The following SIPA1L2 variants were observed in gnomAD, a reference collection of about 807,000 sequenced individuals.
The protein encoded by SIPA1L2 is signal induced proliferation associated 1 like 2, also known as signal-induced proliferation-associated 1-like protein 2.
SIPA1L2 carries 56 observed loss-of-function variants against 163.9 expected under a neutral mutation model. That is an observed-to-expected ratio of 0.34 (90% CI 0.28 to 0.43). The LOEUF is 0.43. SIPA1L2 is among the 20% of genes least tolerant of loss of function. The pLI is 1.00. For synonymous variants in SIPA1L2, 877 were observed against 865.7 expected, an observed-to-expected ratio of 1.01 and a Z score of -0.23; for missense variants, 1,974 against 2,193.5, an observed-to-expected ratio of 0.90 and a Z score of 2.00.
chr1:232,468,161 A>G (rs1357325288), intron 8 of SIPA1L2, among the ~76,000 whole-genome samples: 1 of 152,214 alleles, frequency 6.6e-6, no homozygotes. Flanking sequence ...TCAAGTTCAG[A>G]AGAAATATTC....
chr1:232,439,600 T>C, intron 14 of SIPA1L2, 104 bp from the exon 15 acceptor site: 1 of 1,336,242 alleles, frequency 7.5e-7, no homozygotes, highest in Admixed American at 2.2e-5. Context: ...ACCCAAGCCC[T>C]TTCTACTCAC....
At chr1:232,563,150 T>C (rs1169158394) in intron 2 of SIPA1L2, among the ~76,000 whole-genome samples, 1 of 152,170 alleles carries the variant, frequency 6.6e-6, no homozygotes, top group Non-Finnish European at 1.5e-5. Flanking sequence ...ACCTATTGTG[T>C]GGTGTAGTGC....
Position 232,515,227 on chromosome 1 carries a change from A to C in SIPA1L2, c.113T>G (p.Phe38Cys). ...TCCCATGTTGCCATTAATGGCTTTA[A>C]ATTTCCGAGCAAAATAATCATCTGA... The part of the protein sequence containing the change: ...MQSDDYFARK[F>C]KAINGNMGPT... Residue 38 changes from phenylalanine (F) to cysteine (C), a missense_variant, in exon 3 of 23, where the codon TTT (phenylalanine) becomes TGT (cysteine). Phe to Cys is a radical substitution (Grantham distance 205). Transcript: ENST00000674635. 6.2e-7 allele frequency: 1 copy of C among 1,614,094 alleles called. No individual in the cohort carries two copies. Among genetic ancestry groups the C allele is most frequent in the African/African-American group, 1.3e-5 (1 of 75,028 alleles).
In SIPA1L2 at chr1:232,572,688, TAC is replaced by T. The variant is rs1232046427; in HGVS notation, c.-270+1484_-270+1485del. Among the ~76,000 whole-genome samples, 47 of 52,824 alleles carry T rather than the reference TAC, an allele frequency of 8.9e-4. 1 individual carries two copies. The highest frequency in any genetic ancestry group is 0.015 in the Middle Eastern group (1 of 68). 34.7% of individuals were successfully genotyped at this position (52,824 alleles called of 152,430 possible). ...ATATATATATATATACACACACATA[TAC>T]ATACATATATATATATATATATATA... On this transcript the variant is annotated intron_variant, in intron 2 of 22. Coordinates refer to ENST00000674635, the MANE Select transcript of SIPA1L2 (RefSeq NM_020808.5).
At chr1:232,619,962 G>A (rs1379813660) in intron 1 of SIPA1L2, among the ~76,000 whole-genome samples, 1 of 152,096 alleles carries the variant, frequency 6.6e-6, no homozygotes, top group Non-Finnish European at 1.5e-5. Context: ...TCAGCTCACT[G>A]CAACCTCCGC....
intron 19 of SIPA1L2, among the ~76,000 whole-genome samples, chr1:232,411,588 T>C (rs1660958929): frequency 6.6e-6 from 1 of 150,980 alleles, no homozygotes; most frequent in African/African-American, 2.5e-5. Flanking sequence ...CAATTGCCAG[T>C]TGCTTTTTTT....
intron 1 of SIPA1L2, among the ~76,000 whole-genome samples, chr1:232,584,287 C>T (rs562303570): frequency 3.9e-5 from 6 of 152,172 alleles, no homozygotes; most frequent in Non-Finnish European, 8.8e-5. Flanking sequence ...TATAGTGGTG[C>T]GATCTCTGCT....
chr1:232,432,935 G>C (rs948108203), intron 15 of SIPA1L2, among the ~76,000 whole-genome samples: 1 of 152,132 alleles, frequency 6.6e-6, no homozygotes. Context: ...AAGAACTGGG[G>C]CAATAGGTAC....
intron 14 of SIPA1L2, among the ~76,000 whole-genome samples, chr1:232,440,135 A>C (rs1419559941): frequency 6.6e-6 from 1 of 152,210 alleles, no homozygotes; most frequent in Non-Finnish European, 1.5e-5. Context: ...ATTGAGAGTA[A>C]ATAGGTCTGA....
chr1:232,491,094 T>C, intron 4 of SIPA1L2, 32 bp from the exon 5 acceptor site: 3 of 1,581,098 alleles, frequency 1.9e-6, no homozygotes, highest in African/African-American at 1.3e-5. Context: ...CTTCGGTTAA[T>C]ATTGATTCTC....
intron 6 of SIPA1L2, among the ~76,000 whole-genome samples, chr1:232,482,514 G>A (rs1665414156): frequency 6.6e-6 from 1 of 152,034 alleles, no homozygotes; most frequent in Non-Finnish European, 1.5e-5. Flanking sequence ...CATATTTTGG[G>A]TACCATGAAT....
At chr1:232,547,084 A>C (rs2103123955) in intron 2 of SIPA1L2, among the ~76,000 whole-genome samples, 1 of 152,330 alleles carries the variant, frequency 6.6e-6, no homozygotes. Flanking sequence ...AACTGCTAAT[A>C]CTAGTAATAC....
intron 2 of SIPA1L2, among the ~76,000 whole-genome samples, chr1:232,538,457 A>T (rs761227178): frequency 6.6e-6 from 1 of 152,190 alleles, no homozygotes; most frequent in African/African-American, 2.4e-5. Context: ...CTTTCAAAGC[A>T]TCGTTCCACA....
At chr1:232,548,409 A>G (rs1658175148) in intron 2 of SIPA1L2, among the ~76,000 whole-genome samples, 1 of 152,170 alleles carries the variant, frequency 6.6e-6, no homozygotes, top group African/African-American at 2.4e-5. Flanking sequence ...TACTTGTCTC[A>G]ATTCATAATT....
At chr1:232,447,524 C>T (rs1663289311) in intron 10 of SIPA1L2, among the ~76,000 whole-genome samples, 1 of 152,248 alleles carries the variant, frequency 6.6e-6, no homozygotes, top group Non-Finnish European at 1.5e-5. Context: ...CACAGATGCC[C>T]CGACAGAGAA....
At chr1:232,572,521 C>T (rs1358421744) in intron 2 of SIPA1L2, among the ~76,000 whole-genome samples, 4 of 151,870 alleles carry the variant, frequency 2.6e-5, no homozygotes, top group Non-Finnish European at 1.5e-5. Context: ...CATTCCACCT[C>T]TTTTCTTGCA....
intron 3 of SIPA1L2, among the ~76,000 whole-genome samples, chr1:232,513,484 A>G (rs754391769): frequency 1.3e-5 from 2 of 152,242 alleles, no homozygotes; most frequent in Non-Finnish European, 2.9e-5. Flanking sequence ...TGTAAGCAGC[A>G]TAAGAGATTA....
chr1:232,610,401 C>A (rs3795368), intron 1 of SIPA1L2, among the ~76,000 whole-genome samples: 45,526 of 152,052 alleles, frequency 0.3, 7,394 homozygotes, highest in Non-Finnish European at 0.36. Flanking sequence ...GAGGGCCCCA[C>A]CAGCACTGGG....
chr1:232,491,847 C>G (rs1665947492), intron 4 of SIPA1L2, among the ~76,000 whole-genome samples: 1 of 152,126 alleles, frequency 6.6e-6, no homozygotes, highest in South Asian at 2.1e-4. Flanking sequence ...TAACACTGGA[C>G]AACAGAACTA....
Sources: gnomAD v4.1 joint callset for allele counts (sites outside exome capture counted in the v4.1 genomes callset) on GRCh38, gnomAD v4.1.1 for gene constraint, MANE v1.5 for transcripts, NCBI Gene and HGNC (gene_info 2026-07-23, HGNC 2026-07-21) for gene names.